The following ANGPTL4 variants were observed in gnomAD, a reference collection of about 807,000 sequenced individuals.
The protein encoded by ANGPTL4 is angiopoietin-related protein 4.
ANGPTL4 carries 39 observed loss-of-function variants against 39.2 expected under a neutral mutation model. The observed-to-expected ratio is 1.00, with a 90% CI of 0.77 to 1.30. The LOEUF (loss-of-function observed/expected upper bound fraction) is 1.30, where lower values mean the gene tolerates loss of function less well. Ranked by LOEUF, ANGPTL4 falls within the 50% of genes most tolerant of loss-of-function variation. The pLI is 0.00. For synonymous variants in ANGPTL4, 233 were observed against 229.5 expected, an observed-to-expected ratio of 1.02 and a Z score of -0.14; for missense variants, 545 against 549.8, an observed-to-expected ratio of 0.99 and a Z score of 0.09.
rs1384467912 is a variant in ANGPTL4 at position 8,373,637 on chromosome 19, C to T, written c.1040-68C>T. 1.9e-6 allele frequency: 3 copies of T among 1,610,800 alleles called. No individual in the cohort carries two copies. The African/African-American group carries it at 4.0e-5, about 22-fold the overall frequency. ...ACCTGCCTCATCCTCAACCCTATCC[C>T]TATCTCCTTTCAGCCCCATCGGTGG... On this transcript the variant is annotated intron_variant, in intron 6 of 6. Transcript: ENST00000301455.
chr19:8,372,122 T>C (rs1407620320), intron 6 of ANGPTL4, among the ~76,000 whole-genome samples: 3 of 151,940 alleles, frequency 2.0e-5, no homozygotes, highest in Non-Finnish European at 4.4e-5. Flanking sequence ...AGTGACGTGA[T>C]CTTGGCTCAC....
At position 8,366,539 on chromosome 19, in the gene ANGPTL4, T is replaced by A. The variant is rs577407041; in HGVS notation, c.547+220T>A. ...CCAACCCTTCTCCTCTGCAAGCCAG[T>A]GGGCTGTCCCTGAAGCCCTGCTGAT... On this transcript the variant is annotated intron_variant, in intron 3 of 6. Coordinates refer to ENST00000301455, the MANE Select transcript of ANGPTL4 (RefSeq NM_139314.3). Among the ~76,000 whole-genome samples the A allele has an allele frequency of 3.3e-5, 5 of 152,256 alleles. No homozygotes were observed. In the South Asian group the frequency reaches 1.0e-3, roughly 32 times the overall value.
intron 4 of ANGPTL4, among the ~76,000 whole-genome samples, chr19:8,369,775 C>T (rs900343162): frequency 6.6e-6 from 1 of 152,014 alleles, no homozygotes; most frequent in Non-Finnish European, 1.5e-5. Flanking sequence ...AAATGCAGCC[C>T]TTGTCTGGGT....
chr19:8,368,068 G>A (rs1230913429), intron 3 of ANGPTL4, among the ~76,000 whole-genome samples: 3 of 137,346 alleles, frequency 2.2e-5, no homozygotes, highest in African/African-American at 8.5e-5. Context: ...ACCCAGGTTG[G>A]AGTGCAATGG....
Position 8,371,199 on chromosome 19 carries a change from C to T in ANGPTL4, c.758-42C>T, listed in dbSNP as rs1047608952. The T allele has an allele frequency of 6.2e-7, 1 of 1,614,110 alleles. No homozygotes were observed. Among genetic ancestry groups the T allele is most frequent in the Non-Finnish European group, 8.5e-7 (1 of 1,180,032 alleles). On this transcript the variant is annotated intron_variant, in intron 5 of 6. Transcript: ENST00000301455. The surrounding 1 kb of genome is among the most constrained non-coding windows in gnomAD (Gnocchi z 5.1). ...GAGGCAGGGGAGGAAGAGGGACCCT[C>T]AGAAGTGGCCCTGCCTCATGGAGTG...
In ANGPTL4 at chr19:8,373,954, C is replaced by T. The variant is rs1313931911; in HGVS notation, c.*68C>T. On this transcript the variant is annotated 3_prime_UTR_variant, in exon 7 of 7. Transcript: ENST00000301455. ...CTCTTGGCTCTGCCCGAGGATGTGG[C>T]CGTTCCCTGCCTGGGCAGGGGCTCC... 7 of 1,557,292 alleles carry T rather than the reference C, an allele frequency of 4.5e-6. No homozygotes were observed. Among genetic ancestry groups the T allele is most frequent in the Non-Finnish European group, 6.2e-6 (7 of 1,136,302 alleles).
chr19:8,373,690 C>A lies in ANGPTL4; in HGVS notation c.1040-15C>A. 1 of 1,613,834 alleles carries A rather than the reference C, an allele frequency of 6.2e-7. No individual in the cohort carries two copies. Among genetic ancestry groups the A allele is most frequent in the Non-Finnish European group, 8.5e-7 (1 of 1,180,014 alleles). On this transcript the variant is annotated splice_polypyrimidine_tract_variant and intron_variant, in intron 6 of 6. Coordinates refer to ENST00000301455, the MANE Select transcript of ANGPTL4 (RefSeq NM_139314.3). ...CAAAGACCTGACCATGTTCCCTCTC[C>A]CCTGACCCCGGCAGGAGGCTGGTGG...
Position 8,364,352 on chromosome 19 carries a change from C to G in ANGPTL4, c.31C>G (p.Leu11Val). 2 of 1,549,056 alleles carry G rather than the reference C, an allele frequency of 1.3e-6. No individual in the cohort carries two copies. Among genetic ancestry groups the G allele is most frequent in the Non-Finnish European group, 1.7e-6 (2 of 1,151,638 alleles). The change falls in exon 1 of 7, where the codon CTG becomes GTG. Residue 11 changes from leucine to valine, a missense_variant. Transcript: ENST00000301455. Reference sequence around the variant, plus strand: ...CGGTGCTCCGACGGCCGGGGCAGCCCTGATGCTCTGCGCCGCCACCGCCGT... The same window carrying G: ...CGGTGCTCCGACGGCCGGGGCAGCCGTGATGCTCTGCGCCGCCACCGCCGT... MSGAPTAGAA[L>V]MLCAATAVLL...
At chr19:8,370,723 A>C (rs1971098972) in intron 4 of ANGPTL4, among the ~76,000 whole-genome samples, 5 of 150,252 alleles carry the variant, frequency 3.3e-5, no homozygotes, top group South Asian at 4.2e-4. Flanking sequence ...AAAAAAAAAG[A>C]AAGCTTTTTT....
chr19:8,369,869 G>A (rs1313303298), intron 4 of ANGPTL4, among the ~76,000 whole-genome samples: 2 of 151,860 alleles, frequency 1.3e-5, no homozygotes, highest in African/African-American at 2.4e-5. Context: ...GACCAGCCTG[G>A]ACAACATAGT....
intron 4 of ANGPTL4, 58 bp from the exon 5 acceptor site, chr19:8,370,998 G>A: frequency 1.3e-6 from 2 of 1,540,654 alleles, no homozygotes; most frequent in Non-Finnish European, 1.8e-6. Flanking sequence ...AGCCAGATGA[G>A]GGAGTGGGGT....
At chr19:8,366,869 T>G (rs1401832086) in intron 3 of ANGPTL4, among the ~76,000 whole-genome samples, 1 of 150,082 alleles carries the variant, frequency 6.7e-6, no homozygotes. Context: ...GTTCTCCTCC[T>G]CCCTCCCCGC....
Position 8,371,428 on chromosome 19 carries a change from C to T in ANGPTL4, c.945C>T (p.Thr315=). ...CCGTGGCCGGCCAGCTGGGCGCCAC[C>T]ACCGTCCCACCCAGCGGCCTCTCCG... The part of the protein sequence containing the change: ...TAPVAGQLGA[T]TVPPSGLSVP... Residue 315 remains threonine (T), a synonymous_variant, in exon 6 of 7, where the codon ACC becomes ACT. Coordinates refer to ENST00000301455, the MANE Select transcript of ANGPTL4 (RefSeq NM_139314.3). This position sits in a 1 kb window ranked among gnomAD's most constrained non-coding sequence, Gnocchi z 5.1. The T allele has an allele frequency of 6.2e-7, 1 of 1,613,378 alleles. No individual in the cohort carries two copies. The highest frequency in any genetic ancestry group is 8.5e-7 in the Non-Finnish European group (1 of 1,180,006).
intron 3 of ANGPTL4, among the ~76,000 whole-genome samples, chr19:8,368,013 A>T (rs1971040609): frequency 7.5e-6 from 1 of 133,160 alleles, no homozygotes; most frequent in Non-Finnish European, 1.6e-5. Flanking sequence ...ATTTTTATTC[A>T]TTTATCAAGT....
chr19:8,370,700 TA>T (rs33922743), intron 4 of ANGPTL4, among the ~76,000 whole-genome samples: 2,153 of 99,218 alleles, frequency 0.022, 53 homozygotes, highest in African/African-American at 0.075. Flanking sequence ...ACTCCATCTC[TA>T]AAAAAAAAAA....
chr19:8,371,146 C>T lies in ANGPTL4; in HGVS notation c.752C>T (p.Pro251Leu). The change falls in exon 5 of 7, where the codon CCC (proline) becomes CTC (leucine). Residue 251 changes from proline to leucine, a missense_variant. By Grantham distance (98) the Pro-to-Leu change is moderately conservative. Transcript: ENST00000301455. The surrounding 1 kb of genome is among the most constrained non-coding windows in gnomAD (Gnocchi z 5.1). ...WEAYKAGFGD[P>L]HGEFWLGLEK... ...GCCTACAAGGCGGGGTTTGGGGATC[C>T]CCACGGTAGGTGTTTCTAGTGGGGA... The T allele has an allele frequency of 1.2e-6, 2 of 1,613,670 alleles. No homozygotes were observed. The highest frequency in any genetic ancestry group is 1.7e-6 in the Non-Finnish European group (2 of 1,179,824).
intron 3 of ANGPTL4, 48 bp from the exon 4 acceptor site, chr19:8,369,171 C>CG: frequency 1.3e-6 from 2 of 1,524,676 alleles, no homozygotes; most frequent in Non-Finnish European, 1.8e-6. Flanking sequence ...TGAGACCCCC[C>CG]CCAGGGGCTG....
At chr19:8,372,104 G>A (rs1971133197) in intron 6 of ANGPTL4, among the ~76,000 whole-genome samples, 1 of 151,066 alleles carries the variant, frequency 6.6e-6, no homozygotes, top group African/African-American at 2.4e-5. Context: ...CTCCCAGGCT[G>A]GAGTGCAAGT....
At chr19:8,366,462 A>T in intron 3 of ANGPTL4, 143 bp downstream of exon 3, 1 of 924,470 alleles carries the variant, frequency 1.1e-6, no homozygotes, top group Non-Finnish European at 1.7e-6. Context: ...TCTGGGTCAA[A>T]GCTGATGGGA....
Sources: allele counts gnomAD v4.1 joint callset (sites outside exome capture counted in the v4.1 genomes callset), GRCh38; gene constraint gnomAD v4.1.1; non-coding constraint Gnocchi (gnomAD v3.1); transcripts MANE v1.5; gene names NCBI Gene and HGNC (gene_info 2026-07-23, HGNC 2026-07-21).